The following WRAP73 variants were observed in gnomAD, a reference collection of about 807,000 sequenced individuals.
The protein encoded by WRAP73 is WD repeat-containing protein WRAP73.
WRAP73 carries 55 observed loss-of-function variants against 59.6 expected under a neutral mutation model. The ratio of observed to expected loss-of-function variants is 0.92; its 90% CI spans 0.74 to 1.15. The LOEUF (loss-of-function observed/expected upper bound fraction) is 1.15, where lower values mean the gene tolerates loss of function less well. Ranked by LOEUF, WRAP73 falls within the 50% of genes most tolerant of loss-of-function variation. The pLI is 0.00. For synonymous variants in WRAP73, 265 were observed against 258.2 expected, an observed-to-expected ratio of 1.03 and a Z score of -0.25; for missense variants, 592 against 608.1, an observed-to-expected ratio of 0.97 and a Z score of 0.28.
chr1:3,636,682 A>G (rs970137672), intron 5 of WRAP73: 8 of 412,608 alleles, frequency 1.9e-5, no homozygotes, highest in Admixed American at 1.6e-4. Context: ...GTCAAGGTGA[A>G]CTTCCACGTC....
In WRAP73 at chr1:3,647,421, C is replaced by T. The variant is rs146523955; in HGVS notation, c.209G>A (p.Arg70Gln). ...GGCAGCACACACCTGCACCAGCCCT[C>T]GCTTGTACATGGCGCACAGGATGAA... ...SLFILCAMYK[R>Q]GLVQVWSLEQ... Residue 70 changes from arginine to glutamine, a missense_variant, in exon 2 of 12, where the codon CGA (arginine) becomes CAA (glutamine). Physicochemically the swap from Arg to Gln is conservative, Grantham distance 43. Coordinates refer to ENST00000270708, the MANE Select transcript of WRAP73 (RefSeq NM_017818.4). The T allele has an allele frequency of 1.0e-4, 164 of 1,613,418 alleles. No individual in the cohort carries two copies. Among genetic ancestry groups the T allele is most frequent in the Non-Finnish European group, 1.3e-4 (151 of 1,179,836 alleles).
At chr1:3,635,708 C>A (rs1443388399) in intron 6 of WRAP73, 3 of 523,820 alleles carry the variant, frequency 5.7e-6, no homozygotes, top group Non-Finnish European at 1.0e-5. Context: ...GTGGTCCCAG[C>A]TACTTGGGAG....
intron 5 of WRAP73, 28 bp from the exon 6 acceptor site, chr1:3,636,058 A>C (rs1391099661): frequency 6.5e-7 from 1 of 1,531,930 alleles, no homozygotes; most frequent in Non-Finnish European, 9.0e-7. Context: ...GGAAACATTA[A>C]ATTTGGAAAA....
At chr1:3,643,676 G>A (rs940033742) in intron 3 of WRAP73, among the ~76,000 whole-genome samples, 1 of 28,212 alleles carries the variant, frequency 3.5e-5, no homozygotes, top group Non-Finnish European at 7.1e-5. Flanking sequence ...GCTGAGCCCC[G>A]GACATGGGGT....
chr1:3,632,109 C>T lies in WRAP73; in HGVS notation c.1048+104G>A, dbSNP rs571829956. 3.4e-5 allele frequency: 52 copies of T among 1,511,182 alleles called. 1 individual carries two copies. The highest frequency in any genetic ancestry group is 3.1e-4 in the African/African-American group (22 of 71,820). The allele number at this position is 1,511,182 out of a possible 1,614,324, so 93.6% of individuals were successfully genotyped here. A position where few individuals can be genotyped will look rare whatever the true frequency, so the allele number is the denominator to read the frequency against. On this transcript the variant is annotated intron_variant, in intron 10 of 11. Transcript: ENST00000270708. ...ACTGCAGAAACGTGAAAGGAGGTGA[C>T]GTGTCGGAAACCCCCAACTTCATTT...
At chr1:3,637,592 G>A (rs889629605) in intron 4 of WRAP73, among the ~76,000 whole-genome samples, 6 of 152,154 alleles carry the variant, frequency 3.9e-5, no homozygotes, top group African/African-American at 9.7e-5. Context: ...CTGTAATCCC[G>A]GCACTTTGGG....
At chr1:3,634,698 C>G (rs1432024875) in intron 8 of WRAP73, 2 of 419,028 alleles carry the variant, frequency 4.8e-6, no homozygotes, top group Non-Finnish European at 4.5e-6. Flanking sequence ...ACCCTGGCCA[C>G]TCTGTACAGC....
rs1250942989 is a variant in WRAP73 at position 3,639,774 on chromosome 1, G to C, written c.340-952C>G. 6.6e-6 allele frequency: 1 copy of C among 150,494 alleles called. No individual in the cohort carries two copies. Among genetic ancestry groups the C allele is most frequent in the East Asian group, 2.0e-4 (1 of 5,090 alleles). 9.3% of individuals were successfully genotyped at this position (150,494 alleles called of 1,614,324 possible). On this transcript the variant is annotated intron_variant, in intron 3 of 11. Transcript: ENST00000270708. The surrounding 1 kb of genome is among the most constrained non-coding windows in gnomAD (Gnocchi z 4.3). ...ATGTGGGGTGGGGTGCTGACTGCCAGCTCCGTGTGTGGGGACACAGGGCTG... is the reference window on the plus strand; with the variant it reads ...ATGTGGGGTGGGGTGCTGACTGCCACCTCCGTGTGTGGGGACACAGGGCTG...
At chr1:3,643,152 C>T (rs1014680286) in intron 3 of WRAP73, among the ~76,000 whole-genome samples, 5 of 152,240 alleles carry the variant, frequency 3.3e-5, no homozygotes, top group African/African-American at 1.2e-4. Context: ...GAAGGCCCAG[C>T]GATGCCTGTC....
In WRAP73 at chr1:3,635,069, G is replaced by A. The variant is rs763776538; in HGVS notation, c.744C>T (p.Arg248=). 6.2e-6 allele frequency: 10 copies of A among 1,614,086 alleles called. No homozygotes were observed. The Admixed American group carries it at 1.7e-4, about 27-fold the overall frequency. The part of the protein sequence containing the change: ...LAVGSYDGKV[R]ILNHVTWKMI... Reference sequence around the variant, plus strand: ...TTTTCCAAGTCACGTGATTAAGGATGCGCACCTGAGGAAGGAAACCATGCA... The same window carrying A: ...TTTTCCAAGTCACGTGATTAAGGATACGCACCTGAGGAAGGAAACCATGCA... The change falls in exon 8 of 12, where the codon CGC becomes CGT. Residue 248 remains arginine (R), a synonymous_variant. Coordinates refer to ENST00000270708, the MANE Select transcript of WRAP73 (RefSeq NM_017818.4).
In WRAP73 at chr1:3,646,801, G is replaced by A. The variant is rs1024001169; in HGVS notation, c.223-19C>T. On this transcript the variant is annotated intron_variant, in intron 2 of 11. Coordinates refer to ENST00000270708, the MANE Select transcript of WRAP73 (RefSeq NM_017818.4). This position sits in a 1 kb window ranked among gnomAD's most constrained non-coding sequence, Gnocchi z 5.1. ...ACCAGACCTGGATTGAGAGAAGAAA[G>A]AAACACACAAGTGCAAACTCATCAG... 1 of 1,603,712 alleles carries A rather than the reference G, an allele frequency of 6.2e-7. No individual in the cohort carries two copies. Among genetic ancestry groups the A allele is most frequent in the African/African-American group, 1.3e-5 (1 of 74,374 alleles).
At chr1:3,638,672 G>A in intron 4 of WRAP73, 78 bp downstream of exon 4, 1 of 1,525,368 alleles carries the variant, frequency 6.6e-7, no homozygotes, top group Middle Eastern at 1.7e-4. Context: ...AGCTACTTCT[G>A]CCTCTTTGAA....
At chr1:3,637,788 C>T (rs918042415) in intron 4 of WRAP73, among the ~76,000 whole-genome samples, 2 of 152,124 alleles carry the variant, frequency 1.3e-5, no homozygotes, top group South Asian at 2.1e-4. Flanking sequence ...GAGCTGTGAT[C>T]GTGTCACTGC....
At chr1:3,636,894 C>T in intron 5 of WRAP73, 101 bp downstream of exon 5, 1 of 1,215,678 alleles carries the variant, frequency 8.2e-7, no homozygotes, top group Non-Finnish European at 1.2e-6. Context: ...CACCTTGCTC[C>T]ATATCCTACC....
rs1462346520 is a variant in WRAP73 at position 3,631,013 on chromosome 1, C to T, written c.1345G>A (p.Val449Ile). ...CCCAGCTGTCTGCAGGCTGTGCCGACCACTGCCTCTGTCTCCAGGAAGCAG... is the reference window on the plus strand; with the variant it reads ...CCCAGCTGTCTGCAGGCTGTGCCGATCACTGCCTCTGTCTCCAGGAAGCAG... ...CLCFLETEAV[V>I]GTACRQLGGH... Residue 449 changes from valine (V) to isoleucine (I), a missense_variant, in exon 12 of 12, where the codon GTC (valine) becomes ATC (isoleucine). Val to Ile is a conservative substitution (Grantham distance 29). Coordinates refer to ENST00000270708, the MANE Select transcript of WRAP73 (RefSeq NM_017818.4). 4 of 1,612,966 alleles carry T rather than the reference C, an allele frequency of 2.5e-6. No homozygotes were observed. In the African/African-American group the frequency reaches 5.3e-5, roughly 22 times the overall value.
chr1:3,637,840 GTAA>G (rs1406190692), intron 4 of WRAP73, among the ~76,000 whole-genome samples: 1 of 152,114 alleles, frequency 6.6e-6, no homozygotes, highest in Non-Finnish European at 1.5e-5. Flanking sequence ...TCTCAAAAAA[GTAA>G]TAATAAGATG....
chr1:3,631,153 G>A (rs1644528679), intron 11 of WRAP73, 36 bp from the exon 12 acceptor site: 1 of 1,611,690 alleles, frequency 6.2e-7, no homozygotes, highest in African/African-American at 1.3e-5. Context: ...ATTACAGCAG[G>A]GGAGGCCCAG....
At chr1:3,649,511 T>C (rs116665793) in intron 1 of WRAP73, among the ~76,000 whole-genome samples, 2,613 of 152,258 alleles carry the variant, frequency 0.017, 73 homozygotes, top group African/African-American at 0.06. Flanking sequence ...GCACTGCCGA[T>C]ACCCACCTTT....
chr1:3,649,934 G>T lies in WRAP73; in HGVS notation c.66C>A (p.Tyr22Ter). 1 of 1,602,420 alleles carries T rather than the reference G, an allele frequency of 6.2e-7. No individual in the cohort carries two copies. Among genetic ancestry groups the T allele is most frequent in the Non-Finnish European group, 8.5e-7 (1 of 1,175,784 alleles). ...LLCKFSPDGK[Y>*]LASCVQYRLV... ...GGCCCAGGTCCCCGCCGCTCACCAGGTACTTGCCGTCCGGGGAGAACTTGC... is the reference window on the plus strand; with the variant it reads ...GGCCCAGGTCCCCGCCGCTCACCAGTTACTTGCCGTCCGGGGAGAACTTGC... Residue 22 changes from tyrosine (Y) to a stop codon, truncating the protein, a stop_gained, in exon 1 of 12, where the codon TAC (tyrosine) becomes TAA (stop). Transcript: ENST00000270708. LOFTEE classifies it high-confidence loss of function.
Sources: gnomAD v4.1 joint callset for allele counts (sites outside exome capture counted in the v4.1 genomes callset) on GRCh38, gnomAD v4.1.1 for gene constraint, Gnocchi (gnomAD v3.1) non-coding constraint, MANE v1.5 for transcripts, NCBI Gene and HGNC (gene_info 2026-07-23, HGNC 2026-07-21) for gene names.